Variants in PHACTR1 observed in about 807,000 individuals in gnomAD.
PHACTR1 encodes RPEL repeat containing 1.
PHACTR1 carries 16 observed loss-of-function variants against 69.2 expected under a neutral mutation model. That is an observed-to-expected ratio of 0.23 (90% confidence interval 0.16 to 0.35). The LOEUF (loss-of-function observed/expected upper bound fraction) is 0.35, where lower values mean the gene tolerates loss of function less well. Ranked by LOEUF, PHACTR1 falls within the 10% of genes least tolerant of loss-of-function variation. The probability of loss-of-function intolerance (pLI) is 1.00; values close to 1 mark genes in which losing one functional copy is unlikely to be tolerated. For missense variants in PHACTR1, 510 were observed against 734.7 expected, an observed-to-expected ratio of 0.69 and a Z score of 3.54; for synonymous variants, 312 against 284.5, an observed-to-expected ratio of 1.10 and a Z score of -0.97.
chr6:12,924,402 A>G (rs945424391), intron 4 of PHACTR1, among the ~76,000 whole-genome samples: 6 of 152,172 alleles, frequency 3.9e-5, no homozygotes, highest in Non-Finnish European at 7.3e-5. Context: ...TAAATTTTCT[A>G]TTGACACTGA....
intron 3 of PHACTR1, among the ~76,000 whole-genome samples, chr6:12,720,819 A>G (rs6911996): frequency 0.11 from 17,236 of 152,258 alleles, 1,305 homozygotes; most frequent in African/African-American, 0.2. Flanking sequence ...GTCTAGGGAC[A>G]GTATTTACGA....
intron 4 of PHACTR1, among the ~76,000 whole-genome samples, chr6:12,762,262 CTA>C (rs1405761076): frequency 1.3e-5 from 2 of 152,104 alleles, no homozygotes; most frequent in Non-Finnish European, 2.9e-5. Flanking sequence ...CCCTCCTAAA[CTA>C]TGAATTTTAT....
At chr6:13,285,481 T>A (rs9473896) in intron 13 of PHACTR1, among the ~76,000 whole-genome samples, 70,717 of 152,024 alleles carry the variant, frequency 0.47, 17,894 homozygotes, top group Non-Finnish European at 0.59. Context: ...AGCTGCCTTC[T>A]TTACCAGCCC....
At chr6:13,243,208 T>A (rs1156848359) in intron 10 of PHACTR1, among the ~76,000 whole-genome samples, 3 of 152,078 alleles carry the variant, frequency 2.0e-5, no homozygotes, top group Non-Finnish European at 4.4e-5. Flanking sequence ...AACTTGTGCA[T>A]TAATGTGAAC....
intron 4 of PHACTR1, among the ~76,000 whole-genome samples, chr6:12,971,794 T>G (rs747416604): frequency 2.0e-5 from 3 of 152,348 alleles, no homozygotes; most frequent in Non-Finnish European, 2.9e-5. Flanking sequence ...ATGTAAATTA[T>G]GTCTTAATAA....
rs150107374 is a variant in PHACTR1 at position 12,886,890 on chromosome 6, G to A, written c.250+137100G>A. ...TCACTTCAAAAAACAGTAGCAAGAG[G>A]GATGGGAGGTGTGAATCATGAAGCA... On this transcript the variant is annotated intron_variant, in intron 4 of 14. Coordinates refer to ENST00000332995, the MANE Select transcript of PHACTR1 (RefSeq NM_030948.6). 7.2e-4 allele frequency among the ~76,000 whole-genome samples: 109 copies of A among 152,250 alleles called. 1 individual carries two copies. The highest frequency in any genetic ancestry group is 4.2e-3 in the South Asian group (20 of 4,814).
intron 8 of PHACTR1, chr6:13,214,251 T>G (rs1767344155): frequency 6.6e-6 from 1 of 151,010 alleles, no homozygotes; most frequent in Non-Finnish European, 1.5e-5. Flanking sequence ...GAAACAGGCT[T>G]TTGCTGAGGA....
At chr6:13,282,015 T>G (rs1780378693) in intron 12 of PHACTR1, among the ~76,000 whole-genome samples, 1 of 152,250 alleles carries the variant, frequency 6.6e-6, no homozygotes, top group Admixed American at 6.5e-5. Context: ...ACCACTCTAT[T>G]TGATACCTGC....
At chr6:13,201,033 A>G (rs984680663) in intron 7 of PHACTR1, among the ~76,000 whole-genome samples, 10 of 152,160 alleles carry the variant, frequency 6.6e-5, no homozygotes, top group African/African-American at 2.4e-4. Context: ...AATGAGCATC[A>G]TTGTGATTCT....
intron 4 of PHACTR1, among the ~76,000 whole-genome samples, chr6:12,992,422 G>T (rs1180650882): frequency 1.3e-5 from 2 of 152,082 alleles, no homozygotes; most frequent in Non-Finnish European, 2.9e-5. Flanking sequence ...ATTTCAAACA[G>T]TGAGGAAGAA....
At chr6:13,106,404 G>A (rs914300661) in intron 5 of PHACTR1, among the ~76,000 whole-genome samples, 1 of 152,154 alleles carries the variant, frequency 6.6e-6, no homozygotes, top group Non-Finnish European at 1.5e-5. Context: ...GTTCTTAGAG[G>A]AGAGTTGTTC....
At chr6:13,138,397 G>A (rs1821885263) in intron 5 of PHACTR1, among the ~76,000 whole-genome samples, 1 of 152,184 alleles carries the variant, frequency 6.6e-6, no homozygotes, top group South Asian at 2.1e-4. Context: ...AGGGAATTTA[G>A]GGGTCTATTT....
intron 4 of PHACTR1, among the ~76,000 whole-genome samples, chr6:12,762,582 TAAATATGA>T (rs1561859154): frequency 7.9e-5 from 12 of 152,044 alleles, no homozygotes; most frequent in African/African-American, 2.7e-4. Context: ...AAGTTCATTT[TAAATATGA>T]AGGAATAAAT....
intron 4 of PHACTR1, among the ~76,000 whole-genome samples, chr6:12,871,679 T>C (rs1343550988): frequency 6.6e-6 from 1 of 152,218 alleles, no homozygotes; most frequent in Non-Finnish European, 1.5e-5. Flanking sequence ...TTTGGTGATG[T>C]GAAGGTTGAT....
chr6:13,259,652 A>G (rs953781679), intron 10 of PHACTR1, among the ~76,000 whole-genome samples: 2 of 152,190 alleles, frequency 1.3e-5, no homozygotes, highest in African/African-American at 4.8e-5. Flanking sequence ...GCTAGATGTC[A>G]TTATGACCAT....
chr6:12,980,675 C>G (rs760406746), intron 4 of PHACTR1, among the ~76,000 whole-genome samples: 4 of 151,966 alleles, frequency 2.6e-5, no homozygotes, highest in Admixed American at 2.6e-4. Flanking sequence ...AAAAAGTCTA[C>G]GAAAACTATT....
At chr6:13,241,601 C>T (rs56850307) in intron 10 of PHACTR1, among the ~76,000 whole-genome samples, 12,444 of 152,146 alleles carry the variant, frequency 0.082, 1,588 homozygotes, top group African/African-American at 0.28. Flanking sequence ...ATCTGTAAAA[C>T]GGACCTCCCA....
intron 4 of PHACTR1, among the ~76,000 whole-genome samples, chr6:12,774,074 G>A (rs1375480584): frequency 6.6e-6 from 1 of 152,202 alleles, no homozygotes; most frequent in African/African-American, 2.4e-5. Context: ...TGTTCAACTG[G>A]AAGGTCACAG....
At chr6:12,737,045 C>T (rs1297925317) in intron 3 of PHACTR1, among the ~76,000 whole-genome samples, 1 of 148,328 alleles carries the variant, frequency 6.7e-6, no homozygotes, top group Non-Finnish European at 1.5e-5. Flanking sequence ...TATACACACA[C>T]ATTCACAGGT....
Sources: gnomAD v4.1 joint callset for allele counts (sites outside exome capture counted in the v4.1 genomes callset) on GRCh38, gnomAD v4.1.1 for gene constraint, MANE v1.5 for transcripts, NCBI Gene and HGNC (gene_info 2026-07-23, HGNC 2026-07-21) for gene names.